The following RBMS1 variants were observed in gnomAD, a reference collection of about 807,000 sequenced individuals.
The protein encoded by RBMS1 is RNA binding motif single stranded interacting protein 1, also known as RNA-binding motif, single-stranded-interacting protein 1.
RBMS1 carries 17 observed loss-of-function variants against 62.3 expected under a neutral mutation model. The ratio of observed to expected loss-of-function variants is 0.27; its 90% CI spans 0.19 to 0.41. The LOEUF is 0.41. RBMS1 is among the 10% of genes least tolerant of loss of function. RBMS1 has a pLI of 1.00. For synonymous variants in RBMS1, 172 were observed against 170.0 expected, an observed-to-expected ratio of 1.01 and a Z score of -0.09; for missense variants, 334 against 504.5, an observed-to-expected ratio of 0.66 and a Z score of 3.24.
In RBMS1 at chr2:160,311,210, A is replaced by ATCTCTCTC. The variant is rs1361792296; in HGVS notation, c.402+1945_402+1946insGAGAGAGA. ...ACCCTGTCTCCAAAAAAAAAAAAAA[A>ATCTCTCTC]TCTATCTATCTATCTATCTATCTAT... On this transcript the variant is annotated intron_variant, in intron 4 of 13. Transcript: ENST00000348849. Among the ~76,000 whole-genome samples, 142 of 56,584 alleles carry ATCTCTCTC rather than the reference A, an allele frequency of 2.5e-3. 1 individual carries two copies. The highest frequency in any genetic ancestry group is 0.011 in the East Asian group (30 of 2,774). The allele number at this position is 56,584 out of a possible 152,430, so 37.1% of individuals were successfully genotyped here. A position where few individuals can be genotyped will look rare whatever the true frequency, so the allele number is the denominator to read the frequency against.
At chr2:160,481,078 TAAAA>T (rs71006610) in intron 1 of RBMS1, among the ~76,000 whole-genome samples, 3 of 112,480 alleles carry the variant, frequency 2.7e-5, no homozygotes, top group Non-Finnish European at 3.6e-5. Context: ...GAGACTGCCT[TAAAA>T]AAAAAAAAAA....
At chr2:160,390,013 A>G (rs1694776991) in intron 1 of RBMS1, among the ~76,000 whole-genome samples, 1 of 152,192 alleles carries the variant, frequency 6.6e-6, no homozygotes, top group South Asian at 2.1e-4. Context: ...GCAGCTCTGT[A>G]ATAGCTTTCA....
At chr2:160,433,374 ACT>A (rs1211447713) in intron 1 of RBMS1, among the ~76,000 whole-genome samples, 1 of 152,240 alleles carries the variant, frequency 6.6e-6, no homozygotes, top group Non-Finnish European at 1.5e-5. Flanking sequence ...AGATTGTGCC[ACT>A]GCACGTTAGC....
intron 1 of RBMS1, among the ~76,000 whole-genome samples, chr2:160,378,127 C>T (rs1405411711): frequency 6.9e-6 from 1 of 143,950 alleles, no homozygotes; most frequent in Non-Finnish European, 1.5e-5. Flanking sequence ...GCTAGATATC[C>T]AGTTGCTTGC....
chr2:160,392,684 T>C (rs1051668983), intron 1 of RBMS1, among the ~76,000 whole-genome samples: 4 of 152,052 alleles, frequency 2.6e-5, no homozygotes, highest in African/African-American at 9.7e-5. Flanking sequence ...AAGCTCAGAG[T>C]GGCTCAAGAC....
intron 1 of RBMS1, among the ~76,000 whole-genome samples, chr2:160,401,060 C>T (rs954289570): frequency 6.6e-6 from 1 of 151,898 alleles, no homozygotes; most frequent in East Asian, 1.9e-4. Flanking sequence ...ACAAGAGAGA[C>T]TGGATGGTTG....
chr2:160,368,249 C>T (rs1693517065), intron 1 of RBMS1, among the ~76,000 whole-genome samples: 1 of 152,130 alleles, frequency 6.6e-6, no homozygotes, highest in Non-Finnish European at 1.5e-5. Flanking sequence ...CAAGTGTCCT[C>T]ACAGCAAACG....
chr2:160,473,984 C>CTCATGTTG (rs1685028785), intron 1 of RBMS1, among the ~76,000 whole-genome samples: 1 of 152,100 alleles, frequency 6.6e-6, no homozygotes, highest in East Asian at 1.9e-4. Context: ...TAGAGGAAAG[C>CTCATGTTG]TAGTTTTATC....
At chr2:160,484,367 C>A (rs902941989) in intron 1 of RBMS1, among the ~76,000 whole-genome samples, 1 of 151,258 alleles carries the variant, frequency 6.6e-6, no homozygotes, top group Non-Finnish European at 1.5e-5. Context: ...TGGTGGCGGG[C>A]GCCTGTAGTC....
At chr2:160,451,736 G>C (rs10929988) in intron 1 of RBMS1, among the ~76,000 whole-genome samples, 1 of 151,680 alleles carries the variant, frequency 6.6e-6, no homozygotes, top group African/African-American at 2.4e-5. Flanking sequence ...AGCCACCCGA[G>C]TAGCTGGGAT....
chr2:160,315,831 A>G (rs987529096), intron 3 of RBMS1, among the ~76,000 whole-genome samples: 3 of 152,236 alleles, frequency 2.0e-5, no homozygotes, highest in African/African-American at 7.2e-5. Flanking sequence ...TGAAATGTAA[A>G]ATAGCAACTG....
At chr2:160,450,372 C>T (rs1408580313) in intron 1 of RBMS1, among the ~76,000 whole-genome samples, 3 of 151,830 alleles carry the variant, frequency 2.0e-5, no homozygotes, top group African/African-American at 7.3e-5. Flanking sequence ...GAAACCCCAT[C>T]TCTACTAAAT....
At chr2:160,390,856 G>C (rs1475823333) in intron 1 of RBMS1, among the ~76,000 whole-genome samples, 1 of 145,528 alleles carries the variant, frequency 6.9e-6, no homozygotes, top group Admixed American at 7.0e-5. Context: ...TTTCTGTAAA[G>C]AAATATCTTC....
At chr2:160,426,297 A>AAGAAT in intron 1 of RBMS1, among the ~76,000 whole-genome samples, 1 of 56,172 alleles carries the variant, frequency 1.8e-5, no homozygotes, top group Admixed American at 1.9e-4. Context: ...AAGAAAAGAA[A>AAGAAT]GAAGGAAGGA....
chr2:160,317,813 A>G (rs1045820934), intron 3 of RBMS1, among the ~76,000 whole-genome samples: 4 of 152,198 alleles, frequency 2.6e-5, no homozygotes, highest in Admixed American at 1.3e-4. Context: ...GTACAGTCCA[A>G]TGGTCTTCAG....
chr2:160,282,140 A>C, intron 9 of RBMS1: 2 of 935,514 alleles, frequency 2.1e-6, no homozygotes, highest in Non-Finnish European at 3.1e-6. Context: ...ATTAAGTTTC[A>C]GTTTCCAATT....
At chr2:160,369,381 T>C (rs1445382621) in intron 1 of RBMS1, among the ~76,000 whole-genome samples, 1 of 152,250 alleles carries the variant, frequency 6.6e-6, no homozygotes, top group Non-Finnish European at 1.5e-5. Flanking sequence ...GCTCCTTCTC[T>C]GAAGCCACTG....
intron 1 of RBMS1, among the ~76,000 whole-genome samples, chr2:160,426,218 G>GAAGAAAGAAAGA (rs57929883): frequency 0.021 from 1,024 of 48,694 alleles, 63 homozygotes; most frequent in East Asian, 0.047. Context: ...GAGAGAGACA[G>GAAGAAAGAAAGA]AAGAAAGAAA....
chr2:160,342,769 CAAAAAAA>C (rs550170417), intron 2 of RBMS1, among the ~76,000 whole-genome samples: 2 of 117,344 alleles, frequency 1.7e-5, no homozygotes, highest in Non-Finnish European at 1.7e-5. Flanking sequence ...ATACAAAATA[CAAAAAAA>C]AAAAAAAAAA....
Sources: gnomAD v4.1 joint callset for allele counts (sites outside exome capture counted in the v4.1 genomes callset) on GRCh38, gnomAD v4.1.1 for gene constraint, MANE v1.5 for transcripts, NCBI Gene and HGNC (gene_info 2026-07-23, HGNC 2026-07-21) for gene names.